CACNG4: variants seen among roughly 807,000 people sequenced by gnomAD.
CACNG4 encodes the protein calcium voltage-gated channel auxiliary subunit gamma 4.
Under a neutral mutation model 22.9 loss-of-function variants are expected in CACNG4, and 8 were observed. The observed-to-expected ratio is 0.35, with a 90% confidence interval of 0.21 to 0.63. CACNG4 has a LOEUF of 0.63. Among genes scored for constraint, CACNG4 ranks in the 30% least tolerant of loss-of-function variants. CACNG4 has a pLI of 0.72. For missense variants in CACNG4, 357 were observed against 455.4 expected (o/e 0.78, Z 1.97); for synonymous variants, 188 against 191.9 (o/e 0.98, Z 0.17).
rs571140017 is a variant in CACNG4, at chr17:66,996,671, G to A, written c.221-21518G>A. Among the ~76,000 whole-genome samples, 27 of 152,234 alleles carry A rather than the reference G, an allele frequency of 1.8e-4. No homozygotes were observed. The East Asian group carries it at 4.3e-3, about 24-fold the overall frequency. ...GCTGGGATTATGGGCATGAGCCAGC[G>A]TGCCCAGCCCATTAGTGCAATTCAA... is the stretch of plus-strand genomic sequence containing the variant. On this transcript the variant is annotated intron_variant, in intron 1 of 3. Transcript: ENST00000262138.
At chr17:67,012,230 A>T (rs1011461348) in intron 1 of CACNG4, among the ~76,000 whole-genome samples, 1 of 152,164 alleles carries the variant, frequency 6.6e-6, no homozygotes, top group African/African-American at 2.4e-5. Context: ...AGCAGAGAAG[A>T]CTTTGTTTTA....
intron 1 of CACNG4, among the ~76,000 whole-genome samples, chr17:67,016,404 G>C: frequency 6.6e-6 from 1 of 152,144 alleles, no homozygotes; most frequent in Non-Finnish European, 1.5e-5. Flanking sequence ...GAACACTCCA[G>C]CTCCTTGGAG....
At position 67,031,404 on chromosome 17, in the gene CACNG4, G is replaced by A. The variant is rs758305092; in HGVS notation, c.*400G>A. On this transcript the variant is annotated 3_prime_UTR_variant, in exon 4 of 4. Coordinates refer to ENST00000262138, the MANE Select transcript of CACNG4 (RefSeq NM_014405.4). The surrounding 1 kb of genome is among the most constrained non-coding windows in gnomAD (Gnocchi z 4.0). ...GGCCTTCCCTCCCTGCCTGGGTGTCGGGCCACCAGAAGGCTCTGCCGGACG... is the reference window on the plus strand; with the variant it reads ...GGCCTTCCCTCCCTGCCTGGGTGTCAGGCCACCAGAAGGCTCTGCCGGACG... 44 of 464,924 alleles carry A rather than the reference G, an allele frequency of 9.5e-5. No homozygotes were observed. The highest frequency in any genetic ancestry group is 4.6e-4 in the South Asian group (30 of 64,648). The allele number at this position is 464,924 out of a possible 1,614,324, so 28.8% of individuals were successfully genotyped here.
In CACNG4 at chr17:67,018,189, G is replaced by A. The variant is rs1258618666; in HGVS notation, c.221G>A (p.Gly74Glu). The A allele has an allele frequency of 6.2e-7, 1 of 1,612,442 alleles. No individual in the cohort carries two copies. Among genetic ancestry groups the A allele is most frequent in the Non-Finnish European group, 8.5e-7 (1 of 1,178,536 alleles). Residue 74 changes from glycine to glutamate, a missense_variant and splice_region_variant, in exon 2 of 4, where the codon GGG (glycine) becomes GAG (glutamate). Physicochemically the swap from Gly to Glu is moderately conservative, Grantham distance 98 (BLOSUM62 -2). Around this residue, in one of 3 missense-constraint regions of CACNG4, gnomAD observed 114 missense variants for 161.6 expected, o/e 0.71. Coordinates refer to ENST00000262138, the MANE Select transcript of CACNG4 (RefSeq NM_014405.4). ...GTTCTTTTCCTCTCGTTCCTTCCAG[G>A]GATCTATAAAGGGCACTGCTTCCGG... ...SGLWRVCCIE[G>E]IYKGHCFRIN...
Position 67,018,239 on chromosome 17 carries a change from G to A in CACNG4, c.271G>A (p.Asp91Asn). Reference protein sequence around the residue: ...FRINHFPEDNDYDHDSSEYLL... With the variant: ...FRINHFPEDNNYDHDSSEYLL... Reference sequence around the variant, plus strand: ...GATCAATCACTTCCCAGAGGACAATGACTACGACCACGACAGCTCGGAGTA... The same window carrying A: ...GATCAATCACTTCCCAGAGGACAATAACTACGACCACGACAGCTCGGAGTA... Residue 91 changes from aspartate to asparagine, a missense_variant, in exon 2 of 4, where the codon GAC becomes AAC. Physicochemically the swap from Asp to Asn is conservative, Grantham distance 23 (BLOSUM62 1). Transcript: ENST00000262138. 1 of 1,614,140 alleles carries A rather than the reference G, an allele frequency of 6.2e-7. No individual in the cohort carries two copies. Among genetic ancestry groups the A allele is most frequent in the Non-Finnish European group, 8.5e-7 (1 of 1,179,992 alleles).
At chr17:66,965,425 A>T (rs2035163418) in intron 1 of CACNG4, among the ~76,000 whole-genome samples, 1 of 150,968 alleles carries the variant, frequency 6.6e-6, no homozygotes, top group Non-Finnish European at 1.5e-5. Context: ...GCCCACAGAC[A>T]CAATGAAACA....
chr17:67,005,634 C>T (rs1490097256), intron 1 of CACNG4, among the ~76,000 whole-genome samples: 1 of 152,204 alleles, frequency 6.6e-6, no homozygotes, highest in Non-Finnish European at 1.5e-5. Context: ...AGACAGGCCT[C>T]GGTCCCCGAG....
chr17:66,989,197 A>C (rs2035323948), intron 1 of CACNG4, among the ~76,000 whole-genome samples: 1 of 151,310 alleles, frequency 6.6e-6, no homozygotes, highest in African/African-American at 2.5e-5. Flanking sequence ...AGATATGTCA[A>C]AGCCCTGATG....
In CACNG4 at chr17:66,964,755, G is replaced by A. The variant is rs2035154922; in HGVS notation, c.-157G>A. On this transcript the variant is annotated 5_prime_UTR_variant, in exon 1 of 4. Transcript: ENST00000262138. ...TGAGCCCCAGCGCTGCCGGAGCGCA[G>A]GCACGCCCGGGGCGCGGGGTCGGAG... Among the ~76,000 whole-genome samples the A allele has an allele frequency of 6.9e-6, 1 of 145,504 alleles. No individual in the cohort carries two copies. The highest frequency in any genetic ancestry group is 1.5e-5 in the Non-Finnish European group (1 of 65,590).
chr17:66,965,173 C>CACAT, intron 1 of CACNG4, 42 bp downstream of exon 1: 2 of 1,122,970 alleles, frequency 1.8e-6, no homozygotes, highest in African/African-American at 3.2e-5. Context: ...CACACACACA[C>CACAT]ACACACACAC....
At chr17:67,025,054 C>T (rs2035555867) in intron 3 of CACNG4, 54 bp downstream of exon 3, 4 of 1,498,752 alleles carry the variant, frequency 2.7e-6, no homozygotes, top group Admixed American at 2.1e-5. Context: ...CACAGGAGTG[C>T]CTGTCTCGTG....
In CACNG4 at chr17:67,024,903, C is replaced by T. The variant is rs770493245; in HGVS notation, c.348C>T (p.Ile116=). 8.7e-6 allele frequency: 14 copies of T among 1,604,258 alleles called. No individual in the cohort carries two copies. The East Asian group carries it at 3.2e-4, about 36-fold the overall frequency. ...ASSVFPILST[I]LLLLGGLCIG... ...GCGTCTTCCCCATCCTCAGCACCAT[C>T]CTGCTCCTGCTGGGTGGCCTGTGCA... Residue 116 remains isoleucine (I), a synonymous_variant, in exon 3 of 4, where the codon ATC becomes ATT. Transcript: ENST00000262138.
At position 67,013,928 on chromosome 17, in the gene CACNG4, C is replaced by T. The variant is rs540177451; in HGVS notation, c.221-4261C>T. 4.6e-5 allele frequency among the ~76,000 whole-genome samples: 7 copies of T among 152,324 alleles called. No individual in the cohort carries two copies. In the South Asian group the frequency reaches 1.2e-3, roughly 27 times the overall value. ...GGGGCATGCACACCTGTGCACACAC[C>T]CCGTGCCTGTTATTTACAAAATAGT... On this transcript the variant is annotated intron_variant, in intron 1 of 3. Transcript: ENST00000262138.
In CACNG4 at chr17:67,027,318, A is replaced by T. The variant is rs1283380888; in HGVS notation, c.445+2318A>T. On this transcript the variant is annotated intron_variant, in intron 3 of 3. Coordinates refer to ENST00000262138, the MANE Select transcript of CACNG4 (RefSeq NM_014405.4). The surrounding 1 kb of genome is among the most constrained non-coding windows in gnomAD (Gnocchi z 4.3). ...CCAGAGGGACTTGGAGCCTGGACCC[A>T]GAGCCCTAGCCGAAGAAAATGAGTC... 6.6e-6 allele frequency among the ~76,000 whole-genome samples: 1 copy of T among 152,230 alleles called. No individual in the cohort carries two copies. Among genetic ancestry groups the T allele is most frequent in the Non-Finnish European group, 1.5e-5 (1 of 68,028 alleles).
At chr17:66,986,412 G>C (rs1031487648) in intron 1 of CACNG4, among the ~76,000 whole-genome samples, 1 of 152,186 alleles carries the variant, frequency 6.6e-6, no homozygotes, top group Non-Finnish European at 1.5e-5. Context: ...TTCCAGCCCG[G>C]GGGGATGAGT....
intron 1 of CACNG4, among the ~76,000 whole-genome samples, chr17:67,011,323 C>G (rs1418805536): frequency 6.6e-6 from 1 of 152,114 alleles, no homozygotes; most frequent in Admixed American, 6.6e-5. Flanking sequence ...TGAGCAGCCC[C>G]CGCAGGGGTG....
rs182098853 is a variant in CACNG4 at position 66,971,793 on chromosome 17, G to A, written c.220+6662G>A. On this transcript the variant is annotated intron_variant, in intron 1 of 3. Transcript: ENST00000262138. ...ATGGAGGAGAGGGAGCAAGGAAGAG[G>A]TCAGGGGTTGGGCTGGGGAGGCTCT... Among the ~76,000 whole-genome samples the A allele has an allele frequency of 3.9e-5, 6 of 152,310 alleles. No individual in the cohort carries two copies. In the East Asian group the frequency reaches 1.2e-3, roughly 29 times the overall value.
intron 2 of CACNG4, among the ~76,000 whole-genome samples, chr17:67,022,026 G>A (rs898631041): frequency 2.0e-5 from 3 of 151,938 alleles, no homozygotes; most frequent in African/African-American, 7.3e-5. Context: ...TGGGCAGGAT[G>A]GATGGCTCTG....
In CACNG4 at chr17:66,969,985, G is replaced by A. The variant is rs115749267; in HGVS notation, c.220+4854G>A. 3.0e-3 allele frequency among the ~76,000 whole-genome samples: 464 copies of A among 152,222 alleles called. 3 individuals are homozygous for A. Among genetic ancestry groups the A allele is most frequent in the African/African-American group, 0.011 (437 of 41,514 alleles). Reference sequence around the variant, plus strand: ...AGAACAGGCACCCCTTCCCTGACGCGCTAAGTACCACCGGCCAGAATCCTC... The same window carrying A: ...AGAACAGGCACCCCTTCCCTGACGCACTAAGTACCACCGGCCAGAATCCTC... On this transcript the variant is annotated intron_variant, in intron 1 of 3. Coordinates refer to ENST00000262138, the MANE Select transcript of CACNG4 (RefSeq NM_014405.4).
Sources: gnomAD v4.1 joint callset for allele counts (sites outside exome capture counted in the v4.1 genomes callset) on GRCh38, gnomAD v4.1.1 for gene constraint, gnomAD v4.1.1 regional missense constraint, Gnocchi (gnomAD v3.1) non-coding constraint, MANE v1.5 for transcripts, NCBI Gene and HGNC (gene_info 2026-07-23, HGNC 2026-07-21) for gene names.